Variants in BTG4 observed in about 807,000 individuals in gnomAD.
BTG4 encodes the protein BTG anti-proliferation factor 4.
Under a neutral mutation model 19.3 loss-of-function variants are expected in BTG4, and 10 were observed. That is an observed-to-expected ratio of 0.52 (90% CI 0.32 to 0.88). The LOEUF is 0.88. Ranked by LOEUF, BTG4 falls within the 40% of genes least tolerant of loss-of-function variation. BTG4 has a pLI of 0.04. For synonymous variants in BTG4, 91 were observed against 95.7 expected (o/e 0.95, Z 0.29); for missense variants, 238 against 281.9 (o/e 0.84, Z 1.11).
chr11:111,398,806 T>C, the BTG4 span, among the ~76,000 whole-genome samples: 1 of 151,938 alleles, frequency 6.6e-6, no homozygotes, highest in East Asian at 1.9e-4. Flanking sequence ...TTTAACATTA[T>C]AGAGTTTGAA....
the BTG4 span, among the ~76,000 whole-genome samples, chr11:111,442,911 A>T: frequency 2.6e-5 from 4 of 152,240 alleles, no homozygotes; most frequent in African/African-American, 9.6e-5. Context: ...GGGATAAGGC[A>T]ACTGCCCACT....
At chr11:111,462,286 C>T in the BTG4 span, 1 of 152,426 alleles carries the variant, frequency 6.6e-6, no homozygotes, top group Non-Finnish European at 1.5e-5. Context: ...CCTCCGAGGC[C>T]CATTCCTTTG....
chr11:111,443,418 T>C, the BTG4 span, among the ~76,000 whole-genome samples: 2 of 152,214 alleles, frequency 1.3e-5, no homozygotes, highest in African/African-American at 4.8e-5. Context: ...ATAACAAATG[T>C]ACCATATTAA....
chr11:111,461,945 AG>A, the BTG4 span: 1 of 152,852 alleles, frequency 6.5e-6, no homozygotes, highest in Non-Finnish European at 1.5e-5. Flanking sequence ...TGGTGCCACC[AG>A]GAACAGGAGG....
At chr11:111,484,247 T>C (rs1864916117) in intron 5 of BTG4, among the ~76,000 whole-genome samples, 1 of 152,018 alleles carries the variant, frequency 6.6e-6, no homozygotes, top group African/African-American at 2.4e-5. Context: ...AAAAAAGGGA[T>C]GTTAATGAAA....
At chr11:111,485,368 C>A (rs1286037073) in intron 5 of BTG4, among the ~76,000 whole-genome samples, 1 of 152,124 alleles carries the variant, frequency 6.6e-6, no homozygotes, top group Non-Finnish European at 1.5e-5. Context: ...CAAAACAAGT[C>A]TCAAAAATTT....
At chr11:111,427,205 C>T in the BTG4 span, among the ~76,000 whole-genome samples, 9 of 152,234 alleles carry the variant, frequency 5.9e-5, no homozygotes, top group Non-Finnish European at 1.0e-4. Flanking sequence ...CTCTACCCAT[C>T]TCAGCTCTAG....
the BTG4 span, among the ~76,000 whole-genome samples, chr11:111,390,811 T>C: frequency 2.0e-5 from 3 of 152,192 alleles, no homozygotes; most frequent in Admixed American, 6.5e-5. Context: ...TCAGACCATT[T>C]ATCTTCCCAA....
chr11:111,429,278 AGACCAGTCAG>A, the BTG4 span, among the ~76,000 whole-genome samples: 3 of 152,342 alleles, frequency 2.0e-5, 1 homozygote, highest in South Asian at 6.2e-4. Flanking sequence ...ACATCTTGAG[AGACCAGTCAG>A]TATTGCAGGG....
At chr11:111,456,463 T>A in the BTG4 span, 1 of 454,138 alleles carries the variant, frequency 2.2e-6, no homozygotes, top group Non-Finnish European at 4.4e-6. The surrounding 1 kb of genome is among the most constrained non-coding windows in gnomAD (Gnocchi z 4.2). Context: ...ATGTTCCCTC[T>A]CCCACCGGCC....
At chr11:111,511,822 G>A (rs1866943745) in intron 1 of BTG4, among the ~76,000 whole-genome samples, 1 of 152,146 alleles carries the variant, frequency 6.6e-6, no homozygotes, top group East Asian at 1.9e-4. Flanking sequence ...CCTCCTCTGG[G>A]AACCTTCTTT....
At chr11:111,442,027 C>T in the BTG4 span, among the ~76,000 whole-genome samples, 1 of 151,880 alleles carries the variant, frequency 6.6e-6, no homozygotes, top group Admixed American at 6.6e-5. Context: ...CCAGTGTACT[C>T]CAGCCTGGGT....
chr11:111,433,380 T>G, the BTG4 span, among the ~76,000 whole-genome samples: 1 of 150,978 alleles, frequency 6.6e-6, no homozygotes, highest in South Asian at 2.1e-4. Flanking sequence ...GATCCCTTCC[T>G]TACACCTTAC....
At chr11:111,448,914 A>G in the BTG4 span, among the ~76,000 whole-genome samples, 2 of 152,236 alleles carry the variant, frequency 1.3e-5, no homozygotes, top group Non-Finnish European at 2.9e-5. Flanking sequence ...TAAAATTCAA[A>G]TTTAACTGGG....
At chr11:111,412,115 A>G in the BTG4 span, among the ~76,000 whole-genome samples, 2 of 152,376 alleles carry the variant, frequency 1.3e-5, no homozygotes, top group South Asian at 4.1e-4. Context: ...CCAAGAGTCC[A>G]GGGCTACAAT....
the BTG4 span, among the ~76,000 whole-genome samples, chr11:111,383,904 T>C: frequency 1.9e-4 from 29 of 152,360 alleles, no homozygotes; most frequent in Admixed American, 1.6e-3. Context: ...TTTTTTATTA[T>C]TACAGTTTTT....
chr11:111,497,335 T>A lies in BTG4; in HGVS notation c.386A>T (p.Gln129Leu), dbSNP rs1212634380. Residue 129 changes from glutamine to leucine, a missense_variant, in exon 4 of 5, where the codon CAA (glutamine) becomes CTA (leucine). Transcript: ENST00000692032. ...GGCTCTACTAACGGCATAACTGATT[T>A]GTTGATATAGTTCCCATTCCTCCCA... ...GRWEEWELYQ[Q>L]ISYAVSRASS... The A allele has an allele frequency of 6.3e-7, 1 of 1,575,344 alleles. No individual in the cohort carries two copies.
At chr11:111,494,453 A>C (rs1865597946), downstream of BTG4, among the ~76,000 whole-genome samples, 1 of 152,232 alleles carries the variant, frequency 6.6e-6, no homozygotes, top group Admixed American at 6.5e-5. Context: ...CCTAATTTTA[A>C]AATCTATAAA....
intron 1 of BTG4, among the ~76,000 whole-genome samples, chr11:111,501,561 G>T (rs1386820641): frequency 1.3e-5 from 2 of 152,108 alleles, no homozygotes; most frequent in Non-Finnish European, 2.9e-5. Context: ...GTACAGCAGA[G>T]AAAAGGATAC....
Sources: gnomAD v4.1 joint callset for allele counts (sites outside exome capture counted in the v4.1 genomes callset) on GRCh38, gnomAD v4.1.1 for gene constraint, Gnocchi (gnomAD v3.1) non-coding constraint, MANE v1.5 for transcripts, NCBI Gene and HGNC (gene_info 2026-07-23, HGNC 2026-07-21) for gene names.